The following EFL1 variants were observed in gnomAD, a reference collection of about 807,000 sequenced individuals.
EFL1 encodes the protein elongation factor like GTPase 1.
EFL1 carries 76 observed loss-of-function variants against 126.7 expected under a neutral mutation model. The ratio of observed to expected loss-of-function variants is 0.60; its 90% CI spans 0.50 to 0.73. EFL1 has a LOEUF of 0.73. Ranked by LOEUF, EFL1 falls within the 30% of genes least tolerant of loss-of-function variation. The pLI is 0.00. For missense variants in EFL1, 1,128 were observed against 1,343.2 expected, an observed-to-expected ratio of 0.84 and a Z score of 2.50; for synonymous variants, 410 against 448.4, an observed-to-expected ratio of 0.91 and a Z score of 1.08.
intron 8 of EFL1, among the ~76,000 whole-genome samples, chr15:82,229,674 T>G (rs2074800927): frequency 6.6e-6 from 1 of 152,138 alleles, no homozygotes; most frequent in African/African-American, 2.4e-5. Flanking sequence ...GGCAACAGTA[T>G]TAAGAAATTA....
intron 7 of EFL1, among the ~76,000 whole-genome samples, chr15:82,231,679 AT>A (rs1212724217): frequency 1.6e-5 from 2 of 126,236 alleles, no homozygotes; most frequent in Non-Finnish European, 3.6e-5. Flanking sequence ...AAAAAAGGAT[AT>A]CCCCAGTTTT....
intron 18 of EFL1, among the ~76,000 whole-genome samples, chr15:82,141,668 G>A (rs1191920848): frequency 1.6e-4 from 24 of 145,930 alleles, no homozygotes; most frequent in South Asian, 2.2e-4. Context: ...AGTGAGACTC[G>A]GTCTCCAAAA....
chr15:82,217,123 T>C (rs1246811348), intron 14 of EFL1, among the ~76,000 whole-genome samples: 1 of 151,972 alleles, frequency 6.6e-6, no homozygotes, highest in Non-Finnish European at 1.5e-5. Flanking sequence ...TACCGTAATA[T>C]ACCCATCAGA....
chr15:82,140,055 A>C (rs1012575853), intron 18 of EFL1, among the ~76,000 whole-genome samples: 1 of 152,106 alleles, frequency 6.6e-6, no homozygotes, highest in African/African-American at 2.4e-5. Flanking sequence ...CAAGGAAAAA[A>C]CCTAAACTAA....
rs184458337 is a variant in EFL1 at position 82,144,024 on chromosome 15, C to G, written c.2990-5182G>C. The stretch of plus-strand genomic sequence containing the variant: ...ACTTGAAATGCAAATTGTGTTAAAC[C>G]AACCAAGTGTCCAGGATTTGAGAGG... On this transcript the variant is annotated intron_variant, in intron 18 of 19. Coordinates refer to ENST00000268206, the MANE Select transcript of EFL1 (RefSeq NM_024580.6). 1.2e-4 allele frequency among the ~76,000 whole-genome samples: 19 copies of G among 152,234 alleles called. No individual in the cohort carries two copies. In the East Asian group the frequency reaches 3.7e-3, roughly 29 times the overall value.
At chr15:82,138,613 T>C (rs1366681454) in intron 19 of EFL1, 45 bp downstream of exon 19, 3 of 1,597,530 alleles carry the variant, frequency 1.9e-6, no homozygotes, top group Middle Eastern at 1.7e-4. Flanking sequence ...AGGGAATGTA[T>C]CCATAGATGA....
chr15:82,260,408 T>C (rs1229364949), intron 2 of EFL1, among the ~76,000 whole-genome samples: 1 of 152,166 alleles, frequency 6.6e-6, no homozygotes, highest in African/African-American at 2.4e-5. Flanking sequence ...ATACTCACAT[T>C]ACTTCAGCTC....
At chr15:82,179,021 G>A (rs746812564) in intron 15 of EFL1, among the ~76,000 whole-genome samples, 23 of 152,138 alleles carry the variant, frequency 1.5e-4, no homozygotes, top group African/African-American at 5.6e-4. Context: ...GCACACGCCT[G>A]TAGTCCCAGC....
rs532818862 is a variant in EFL1, at chr15:82,156,490, G to A, written c.2030+1223C>T. Among the ~76,000 whole-genome samples, 191 of 152,168 alleles carry A rather than the reference G, an allele frequency of 1.3e-3. 1 individual carries two copies. The highest frequency in any genetic ancestry group is 1.9e-3 in the South Asian group (9 of 4,816). On this transcript the variant is annotated intron_variant, in intron 17 of 19. Transcript: ENST00000268206. ...AGTAGAGAGGGAGTTTCACCATGTTGGCCAGGATGGTCTCGATCTCCTGAC... is the reference window on the plus strand; with the variant it reads ...AGTAGAGAGGGAGTTTCACCATGTTAGCCAGGATGGTCTCGATCTCCTGAC...
rs11548681 is a variant in EFL1 at position 82,241,345 on chromosome 15, T to C, written c.303A>G (p.Ser101=). 4 of 1,614,004 alleles carry C rather than the reference T, an allele frequency of 2.5e-6. No homozygotes were observed. In the Middle Eastern group the frequency reaches 5.0e-4, roughly 200 times the overall value. Residue 101 remains serine, a synonymous_variant, in exon 5 of 20, where the codon TCA becomes TCG. Transcript: ENST00000268206. ...AAATGCGAACAGCGGTTGATACTTCTGAGGAAAAGTCCACGTGTCCTGGAG... is the reference window on the plus strand; with the variant it reads ...AAATGCGAACAGCGGTTGATACTTCCGAGGAAAAGTCCACGTGTCCTGGAG... ...IDSPGHVDFS[S]EVSTAVRICD...
Position 82,157,832 on chromosome 15 carries a change from C to A in EFL1, c.1911G>T (p.Met637Ile). ...PSEMPQLVKG[M>I]KLLNQADPCV... ...AGGGATCAGCCTGGTTTAACAGTTTCATTCCTTTTACGAGCTGAGGCATTT... is the reference window on the plus strand; with the variant it reads ...AGGGATCAGCCTGGTTTAACAGTTTAATTCCTTTTACGAGCTGAGGCATTT... The change falls in exon 17 of 20, where the codon ATG becomes ATT. Residue 637 changes from methionine to isoleucine, a missense_variant. Met to Ile is a conservative substitution (Grantham distance 10, BLOSUM62 1). Transcript: ENST00000268206. 6.2e-7 allele frequency: 1 copy of A among 1,613,684 alleles called. No individual in the cohort carries two copies. The highest frequency in any genetic ancestry group is 8.5e-7 in the Non-Finnish European group (1 of 1,179,726).
At chr15:82,234,248 C>A (rs2074850440) in intron 7 of EFL1, among the ~76,000 whole-genome samples, 1 of 152,130 alleles carries the variant, frequency 6.6e-6, no homozygotes, top group Non-Finnish European at 1.5e-5. Flanking sequence ...AGAATGCTCA[C>A]AAATCAGGAA....
chr15:82,257,410 A>C (rs1172671468), intron 3 of EFL1, among the ~76,000 whole-genome samples: 2 of 152,098 alleles, frequency 1.3e-5, no homozygotes, highest in Non-Finnish European at 2.9e-5. Flanking sequence ...ATATTTATTT[A>C]TATATACTAT....
At chr15:82,227,158 A>T (rs932256670) in intron 11 of EFL1, among the ~76,000 whole-genome samples, 2 of 152,246 alleles carry the variant, frequency 1.3e-5, no homozygotes, top group Non-Finnish European at 2.9e-5. Context: ...GACAAATTTC[A>T]TGGAACCTAC....
chr15:82,205,293 G>A (rs994568812), intron 15 of EFL1, among the ~76,000 whole-genome samples: 3 of 152,124 alleles, frequency 2.0e-5, no homozygotes, highest in African/African-American at 7.2e-5. Flanking sequence ...TTTAGTCAAG[G>A]TATAATCTAA....
In EFL1 at chr15:82,220,841, C is replaced by T. The variant is rs72749582; in HGVS notation, c.1293-612G>A. ...AGAACTACCCTCATGTCTGTCAGGA[C>T]GCAGAGAAGGTATTTAGAGTTTTAA... On this transcript the variant is annotated intron_variant, in intron 12 of 19. Transcript: ENST00000268206. Among the ~76,000 whole-genome samples the T allele has an allele frequency of 6.9e-3, 1,045 of 152,130 alleles. 10 individuals are homozygous for T. Among genetic ancestry groups the T allele is most frequent in the Non-Finnish European group, 8.2e-3 (555 of 68,010 alleles).
intron 15 of EFL1, among the ~76,000 whole-genome samples, chr15:82,209,316 G>GACACAC (rs57128885): frequency 0.017 from 2,513 of 146,288 alleles, 83 homozygotes; most frequent in East Asian, 0.13. Context: ...CACAGACACA[G>GACACAC]ACACACACAC....
intron 9 of EFL1, among the ~76,000 whole-genome samples, chr15:82,228,562 C>T (rs2074788564): frequency 6.6e-6 from 1 of 152,210 alleles, no homozygotes; most frequent in Admixed American, 6.5e-5. Flanking sequence ...ACCATCTCCT[C>T]AAGCAAGCTA....
intron 15 of EFL1, among the ~76,000 whole-genome samples, chr15:82,194,724 C>G (rs1279883028): frequency 6.6e-6 from 1 of 152,156 alleles, no homozygotes; most frequent in African/African-American, 2.4e-5. Context: ...CTCAGCAACC[C>G]ACGTTGTAAG....
Sources: allele counts gnomAD v4.1 joint callset (sites outside exome capture counted in the v4.1 genomes callset), GRCh38; gene constraint gnomAD v4.1.1; transcripts MANE v1.5; gene names NCBI Gene and HGNC (gene_info 2026-07-23, HGNC 2026-07-21).